ANKRD24: variants seen among roughly 807,000 people sequenced by gnomAD.
ANKRD24 encodes ankyrin repeat domain-containing protein 24.
ANKRD24 carries 109 observed loss-of-function variants against 127.8 expected under a neutral mutation model. That is an observed-to-expected ratio of 0.85 (90% CI 0.73 to 1.00). ANKRD24 has a LOEUF of 1.00. Among genes scored for constraint, ANKRD24 ranks in the 50% least tolerant of loss-of-function variants. ANKRD24 has a pLI of 0.00. For synonymous variants in ANKRD24, 743 were observed against 671.1 expected (o/e 1.11, Z -1.66); for missense variants, 1,648 against 1,570.2 (o/e 1.05, Z -0.84).
Position 4,195,748 on chromosome 19 carries a change from G to T in ANKRD24, c.37-3935G>T, listed in dbSNP as rs1244664979. Among the ~76,000 whole-genome samples the T allele has an allele frequency of 6.6e-6, 1 of 152,102 alleles. No homozygotes were observed. Among genetic ancestry groups the T allele is most frequent in the Non-Finnish European group, 1.5e-5 (1 of 68,022 alleles). On this transcript the variant is annotated intron_variant, in intron 2 of 21. Transcript: ENST00000318934. The surrounding 1 kb of genome is among the most constrained non-coding windows in gnomAD (Gnocchi z 4.2). ...CGTCTCTACTAAAATACAAAAATTC[G>T]CTAGGCGTGGTGGCGTGTGCCTGTA...
Position 4,216,846 on chromosome 19 carries a change from A to C in ANKRD24, c.1686A>C (p.Ile562=). 1 of 1,610,766 alleles carries C rather than the reference A, an allele frequency of 6.2e-7. No homozygotes were observed. Among genetic ancestry groups the C allele is most frequent in the Non-Finnish European group, 8.5e-7 (1 of 1,178,650 alleles). The change falls in exon 18 of 22, where the codon ATA becomes ATC. Residue 562 remains isoleucine, a synonymous_variant. Coordinates refer to ENST00000318934, the MANE Select transcript of ANKRD24 (RefSeq NM_001393985.1). Reference sequence around the variant, plus strand: ...CCAAAGTTAACGGAGCCGAGACCATAGATGAGGAGGCTGCAGGAGATGAAA... The same window carrying C: ...CCAAAGTTAACGGAGCCGAGACCATCGATGAGGAGGCTGCAGGAGATGAAA... ...PETKVNGAET[I]DEEAAGDETM...
chr19:4,199,957 C>T lies in ANKRD24; in HGVS notation c.206C>T (p.Ala69Val). ...GCACCTCGGGTGGCCGCCCTCATCG[C>T]CCGCAAGGGGCTGGTGCCCACGAAG... ...NDAPRVAALI[A>V]RKGLVPTKLD... Residue 69 changes from alanine to valine, a missense_variant, in exon 4 of 22, where the codon GCC becomes GTC. Transcript: ENST00000318934. This position sits in a 1 kb window ranked among gnomAD's most constrained non-coding sequence, Gnocchi z 5.2. 3 of 1,564,552 alleles carry T rather than the reference C, an allele frequency of 1.9e-6. No homozygotes were observed.
intron 1 of ANKRD24, among the ~76,000 whole-genome samples, chr19:4,185,067 G>A (rs1408671690): frequency 6.6e-6 from 1 of 151,042 alleles, no homozygotes; most frequent in African/African-American, 2.4e-5. Flanking sequence ...TGGGTGGATG[G>A]GTGGATGGGT....
intron 2 of ANKRD24, among the ~76,000 whole-genome samples, chr19:4,190,995 G>A (rs954398894): frequency 6.6e-6 from 1 of 152,180 alleles, no homozygotes; most frequent in African/African-American, 2.4e-5. Flanking sequence ...GTTTGCAATG[G>A]GAGGGGTCGG....
intron 2 of ANKRD24, among the ~76,000 whole-genome samples, chr19:4,197,505 C>G (rs1238935945): frequency 6.6e-6 from 1 of 150,742 alleles, no homozygotes; most frequent in Non-Finnish European, 1.5e-5. Context: ...TTAATGAATG[C>G]AGGAATGAGT....
chr19:4,187,961 A>T (rs896499688), intron 2 of ANKRD24, among the ~76,000 whole-genome samples: 8 of 152,216 alleles, frequency 5.3e-5, no homozygotes, highest in African/African-American at 1.7e-4. Flanking sequence ...TAACAGGCAG[A>T]TTCTCTTGGC....
intron 8 of ANKRD24, 90 bp from the exon 9 acceptor site, chr19:4,207,411 T>G: frequency 6.3e-7 from 1 of 1,578,550 alleles, no homozygotes; most frequent in South Asian, 1.1e-5. Flanking sequence ...TGAGAAAGTT[T>G]GAGGTGAAAC....
chr19:4,218,658 TTCTC>T (rs1282276335), intron 18 of ANKRD24, among the ~76,000 whole-genome samples: 4 of 150,120 alleles, frequency 2.7e-5, no homozygotes, highest in Non-Finnish European at 6.0e-5. Context: ...CACTTGTGTT[TTCTC>T]TCTTTCTTTC....
At chr19:4,186,547 A>G in intron 2 of ANKRD24, 86 bp downstream of exon 2, 1 of 1,428,904 alleles carries the variant, frequency 7.0e-7, no homozygotes, top group Non-Finnish European at 9.7e-7. Flanking sequence ...CCACCCTTTC[A>G]TTCCAGTACC....
Position 4,217,495 on chromosome 19 carries a change from G to GCCA in ANKRD24, c.2335_2336insCCA (p.Gly779delinsAlaSer). The GCCA allele has an allele frequency of 7.1e-7, 1 of 1,407,678 alleles. No homozygotes were observed. Among genetic ancestry groups the GCCA allele is most frequent in the Non-Finnish European group, 9.2e-7 (1 of 1,086,776 alleles). The allele number at this position is 1,407,678 out of a possible 1,614,324, so 87.2% of individuals were successfully genotyped here. On this transcript the variant is annotated protein_altering_variant, in exon 18 of 22. Transcript: ENST00000318934. Reference sequence around the variant, plus strand: ...GGCCGAGGGCAGCGGGGCCAGCGGGGGCGGTGGCGGTGACACCACACAGCT... The same window carrying GCCA: ...GGCCGAGGGCAGCGGGGCCAGCGGGGCCAGCGGTGGCGGTGACACCACACAGCT...
At chr19:4,221,576 T>C (rs1568347419) in intron 19 of ANKRD24, among the ~76,000 whole-genome samples, 1 of 152,098 alleles carries the variant, frequency 6.6e-6, no homozygotes, top group African/African-American at 2.4e-5. Flanking sequence ...AAACCAAAGC[T>C]TTAAGAGATG....
intron 1 of ANKRD24, chr19:4,183,424 AGGTGGTACCATCTATGCCCT>A (rs1472458587): frequency 1.1e-6 from 1 of 873,284 alleles, no homozygotes. Context: ...TGGAGAGCAA[AGGTGGTACCATCTATGCCCT>A]GGTGGCTGCG....
intron 1 of ANKRD24, 89 bp from the exon 2 acceptor site, chr19:4,186,301 G>T: frequency 2.0e-6 from 3 of 1,519,746 alleles, no homozygotes; most frequent in South Asian, 1.3e-5. Flanking sequence ...GAAGGAGGAA[G>T]CGGTCCTTTT....
chr19:4,221,592 A>C (rs1301011753), intron 19 of ANKRD24, among the ~76,000 whole-genome samples: 1 of 152,116 alleles, frequency 6.6e-6, no homozygotes, highest in African/African-American at 2.4e-5. Flanking sequence ...AGATGAAGTG[A>C]GTGGCTCAAA....
chr19:4,216,272 G>A lies in ANKRD24; in HGVS notation c.1271-12G>A, dbSNP rs12459920. The A allele has an allele frequency of 0.19, 297,523 of 1,550,892 alleles. 30,493 individuals are homozygous for A. Among genetic ancestry groups the A allele is most frequent in the East Asian group, 0.32 (13,154 of 40,900 alleles). ...CCAGGTCCCCAGGGCCTGACTCTGCGTCCCCCTCCAGGGGCCGAGGTGCTG... is the reference window on the plus strand; with the variant it reads ...CCAGGTCCCCAGGGCCTGACTCTGCATCCCCCTCCAGGGGCCGAGGTGCTG... On this transcript the variant is annotated splice_polypyrimidine_tract_variant and intron_variant, in intron 16 of 21. Transcript: ENST00000318934.
intron 11 of ANKRD24, 78 bp downstream of exon 11, chr19:4,208,879 G>A: frequency 2.7e-6 from 4 of 1,475,230 alleles, no homozygotes; most frequent in Non-Finnish European, 2.8e-6. Context: ...AGCTCTGTGA[G>A]AAGAGAAGGA....
intron 19 of ANKRD24, 37 bp downstream of exon 19, chr19:4,219,795 A>G (rs1233331330): frequency 4.5e-6 from 7 of 1,553,956 alleles, no homozygotes; most frequent in African/African-American, 1.4e-5. Flanking sequence ...TCAGGGAGGC[A>G]TCCACTCAGC....
intron 2 of ANKRD24, among the ~76,000 whole-genome samples, chr19:4,190,309 C>T (rs1430018730): frequency 1.3e-5 from 2 of 152,120 alleles, no homozygotes; most frequent in Non-Finnish European, 2.9e-5. Flanking sequence ...GTGGCGGGCG[C>T]CTGTAGTCCC....
chr19:4,214,938 G>A (rs1005343820), intron 15 of ANKRD24, among the ~76,000 whole-genome samples: 4 of 152,104 alleles, frequency 2.6e-5, no homozygotes, highest in African/African-American at 4.8e-5. Flanking sequence ...ATACCCACAC[G>A]TATGGTCACA....
Sources: allele counts gnomAD v4.1 joint callset (sites outside exome capture counted in the v4.1 genomes callset), GRCh38; gene constraint gnomAD v4.1.1; non-coding constraint Gnocchi (gnomAD v3.1); transcripts MANE v1.5; gene names NCBI Gene and HGNC (gene_info 2026-07-23, HGNC 2026-07-21).